PCDH15: variants seen among roughly 807,000 people sequenced by gnomAD.
The protein encoded by PCDH15 is protocadherin related 15, also known as protocadherin-15.
Under a neutral mutation model 178.5 loss-of-function variants are expected in PCDH15, and 129 were observed. That is an observed-to-expected ratio of 0.72 (90% CI 0.63 to 0.84). The LOEUF (loss-of-function observed/expected upper bound fraction) is 0.84, where lower values mean the gene tolerates loss of function less well. PCDH15 is among the 40% of genes least tolerant of loss of function. The pLI is 0.00. For synonymous variants in PCDH15, 800 were observed against 732.0 expected (o/e 1.09, Z -1.50); for missense variants, 2,230 against 2,099.9 (o/e 1.06, Z -1.21).
intron 3 of PCDH15, among the ~76,000 whole-genome samples, chr10:54,508,768 T>C (rs1391156964): frequency 1.3e-5 from 2 of 152,100 alleles, no homozygotes; most frequent in Non-Finnish European, 2.9e-5. Flanking sequence ...CACCAATTTC[T>C]CCTTCTTCTG....
In PCDH15 at chr10:55,041,379, G is replaced by A. The variant is rs77653431; in HGVS notation, c.-80+125197C>T. ...ATCTAGTTTTGGAGCTAGAACTAATGTATGAATCATATAGGGAATCATCAT... is the reference window on the plus strand; with the variant it reads ...ATCTAGTTTTGGAGCTAGAACTAATATATGAATCATATAGGGAATCATCAT... On this transcript the variant is annotated intron_variant, in intron 2 of 5. Transcript: ENST00000458638. Among the ~76,000 whole-genome samples, 41 of 152,204 alleles carry A rather than the reference G, an allele frequency of 2.7e-4. 1 individual carries two copies. The highest frequency in any genetic ancestry group is 9.4e-4 in the African/African-American group (39 of 41,562).
chr10:55,116,676 C>T (rs1408121062), intron 2 of PCDH15, among the ~76,000 whole-genome samples: 1 of 152,136 alleles, frequency 6.6e-6, no homozygotes, highest in Admixed American at 6.5e-5. Flanking sequence ...ACAATAGAAT[C>T]ATGGAAAAGG....
At chr10:53,881,198 T>G (rs2080691254) in intron 26 of PCDH15, among the ~76,000 whole-genome samples, 1 of 152,164 alleles carries the variant, frequency 6.6e-6, no homozygotes, top group Non-Finnish European at 1.5e-5. Flanking sequence ...AATTTCAGGA[T>G]TTGTTAGCCA....
chr10:55,102,176 C>A (rs1050444180), intron 2 of PCDH15, among the ~76,000 whole-genome samples: 1 of 151,752 alleles, frequency 6.6e-6, no homozygotes, highest in Non-Finnish European at 1.5e-5. Context: ...TATAATTAAC[C>A]TTTGTTTTCA....
intron 3 of PCDH15, among the ~76,000 whole-genome samples, chr10:54,402,718 C>T (rs1205481292): frequency 1.3e-5 from 2 of 151,698 alleles, no homozygotes; most frequent in Non-Finnish European, 2.9e-5. Flanking sequence ...TTTGGGATGC[C>T]GCAAACCATT....
At chr10:54,783,676 T>G (rs1242540247) in intron 1 of PCDH15, among the ~76,000 whole-genome samples, 1 of 152,116 alleles carries the variant, frequency 6.6e-6, no homozygotes, top group Non-Finnish European at 1.5e-5. Flanking sequence ...GAGGGTTTTC[T>G]TATCGATACT....
chr10:55,622,155 ATATATATAT>A (rs111463922), intron 2 of PCDH15, among the ~76,000 whole-genome samples: 22 of 73,376 alleles, frequency 3.0e-4, no homozygotes, highest in African/African-American at 5.6e-4. Flanking sequence ...ATATCTATAA[ATATATATAT>A]TATATATATT....
intron 3 of PCDH15, among the ~76,000 whole-genome samples, chr10:54,406,012 C>T (rs1952620475): frequency 2.0e-5 from 3 of 151,860 alleles, no homozygotes; most frequent in Admixed American, 2.0e-4. Context: ...CAAAGTTTAT[C>T]TACATTGGTT....
chr10:54,067,444 C>T (rs1452768182), intron 17 of PCDH15, among the ~76,000 whole-genome samples: 1 of 152,150 alleles, frequency 6.6e-6, no homozygotes, highest in Non-Finnish European at 1.5e-5. Flanking sequence ...ATCTTATAAG[C>T]ATACAGCTTA....
intron 3 of PCDH15, among the ~76,000 whole-genome samples, chr10:54,450,765 AAAAC>A (rs745858720): frequency 3.3e-5 from 5 of 152,032 alleles, no homozygotes; most frequent in Admixed American, 2.6e-4. Flanking sequence ...CATTCAAAAG[AAAAC>A]AAACAGATTA....
At chr10:55,181,444 T>A (rs1382962274) in intron 1 of PCDH15, among the ~76,000 whole-genome samples, 1 of 152,026 alleles carries the variant, frequency 6.6e-6, no homozygotes, top group Non-Finnish European at 1.5e-5. Flanking sequence ...GGGTCTAAGT[T>A]TTCCCATTAG....
intron 2 of PCDH15, chr10:54,585,465 A>T: frequency 5.7e-6 from 1 of 176,228 alleles, no homozygotes; most frequent in Non-Finnish European, 1.3e-5. Flanking sequence ...GCTTTCTTAC[A>T]ATTATTAAAG....
At chr10:54,138,162 G>A (rs2043057241) in intron 14 of PCDH15, among the ~76,000 whole-genome samples, 2 of 152,122 alleles carry the variant, frequency 1.3e-5, no homozygotes, top group African/African-American at 4.8e-5. Flanking sequence ...CCAAATGACT[G>A]AAAGTGGGAA....
chr10:54,998,396 A>T (rs1472301395), intron 2 of PCDH15, among the ~76,000 whole-genome samples: 3 of 151,788 alleles, frequency 2.0e-5, no homozygotes, highest in Non-Finnish European at 4.4e-5. Context: ...AAATAATAAT[A>T]AAAAAAAGAA....
chr10:54,202,456 A>G (rs1213255112), intron 10 of PCDH15, among the ~76,000 whole-genome samples: 3 of 152,092 alleles, frequency 2.0e-5, no homozygotes, highest in Non-Finnish European at 4.4e-5. Context: ...CATGGCAACC[A>G]CACAAGGCAA....
intron 2 of PCDH15, among the ~76,000 whole-genome samples, chr10:54,586,593 T>C (rs2091485198): frequency 6.6e-6 from 1 of 152,172 alleles, no homozygotes; most frequent in African/African-American, 2.4e-5. Context: ...AACTAGCAAA[T>C]GCTAAAGTTT....
intron 2 of PCDH15, among the ~76,000 whole-genome samples, chr10:55,368,238 A>T (rs920322712): frequency 2.0e-5 from 3 of 152,108 alleles, no homozygotes; most frequent in African/African-American, 7.2e-5. Flanking sequence ...ATGGCAAGGA[A>T]CCAATTTTCA....
At chr10:55,377,849 C>T (rs931177737) in intron 2 of PCDH15, among the ~76,000 whole-genome samples, 2 of 152,046 alleles carry the variant, frequency 1.3e-5, no homozygotes, top group Admixed American at 6.6e-5. Flanking sequence ...AAATGTGGCA[C>T]ATATAAATCA....
intron 8 of PCDH15, among the ~76,000 whole-genome samples, chr10:54,279,523 A>G (rs2058549993): frequency 6.6e-6 from 1 of 151,632 alleles, no homozygotes; most frequent in South Asian, 2.1e-4. Flanking sequence ...AGTCTTAGAT[A>G]ACAAGAAAAC....
Sources: gnomAD v4.1 joint callset for allele counts (sites outside exome capture counted in the v4.1 genomes callset) on GRCh38, gnomAD v4.1.1 for gene constraint, MANE v1.5 for transcripts, NCBI Gene and HGNC (gene_info 2026-07-23, HGNC 2026-07-21) for gene names.